Variants in CARMIL3 observed in about 807,000 individuals in gnomAD.
The protein encoded by CARMIL3 is capping protein regulator and myosin 1 linker 3.
CARMIL3 carries 88 observed loss-of-function variants against 180.8 expected under a neutral mutation model. The observed-to-expected ratio is 0.49, with a 90% CI of 0.41 to 0.58. CARMIL3 has a LOEUF of 0.58. Ranked by LOEUF, CARMIL3 falls within the 20% of genes least tolerant of loss-of-function variation. The pLI is 0.00. For missense variants in CARMIL3, 1,548 were observed against 1,787.0 expected (o/e 0.87, Z 2.41); for synonymous variants, 696 against 714.5 (o/e 0.97, Z 0.41).
chr14:24,060,685 C>A lies in CARMIL3; in HGVS notation c.2119C>A (p.Pro707Thr). Residue 707 changes from proline to threonine, a missense_variant, in exon 25 of 40, where the codon CCC (proline) becomes ACC (threonine). By Grantham distance (38) the Pro-to-Thr change is conservative. This residue lies in a region of CARMIL3 where 297 missense variants were observed against 415.9 expected (regional missense o/e 0.71). Transcript: ENST00000342740. Reference sequence around the variant, plus strand: ...GGAGGTGCGGGCCCTGAGACTATGCCCCCTGGAGCCTGTGCAGGATGAGCT... The same window carrying A: ...GGAGGTGCGGGCCCTGAGACTATGCACCCTGGAGCCTGTGCAGGATGAGCT... Reference protein sequence around the residue: ...QEEVRALRLCPLEPVQDELLY... With the variant: ...QEEVRALRLCTLEPVQDELLY... 1.2e-6 allele frequency: 2 copies of A among 1,613,866 alleles called. No homozygotes were observed. Among genetic ancestry groups the A allele is most frequent in the Non-Finnish European group, 1.7e-6 (2 of 1,179,830 alleles).
rs1207129424 is a variant in CARMIL3 at position 24,052,109 on chromosome 14, G to A, written c.-45G>A. The A allele has an allele frequency of 2.0e-6, 3 of 1,527,050 alleles. No homozygotes were observed. The highest frequency in any genetic ancestry group is 2.6e-6 in the Non-Finnish European group (3 of 1,142,584). 94.6% of individuals were successfully genotyped at this position (1,527,050 alleles called of 1,614,324 possible). A position where few individuals can be genotyped will look rare whatever the true frequency, so the allele number is the denominator to read the frequency against. ...CTAGCATGTGCCGCGGCTCCCCGGC[G>A]GCGGCGGCGGCTCCTCTGCAGCAGC... is the stretch of plus-strand genomic sequence containing the variant. On this transcript the variant is annotated 5_prime_UTR_variant, in exon 1 of 40. Coordinates refer to ENST00000342740, the MANE Select transcript of CARMIL3 (RefSeq NM_138360.4).
rs773002807 is a variant in CARMIL3 at position 24,059,715 on chromosome 14, C to T, written c.1851C>T (p.Ile617=). 21 of 1,613,958 alleles carry T rather than the reference C, an allele frequency of 1.3e-5. No individual in the cohort carries two copies. The highest frequency in any genetic ancestry group is 8.8e-5 in the South Asian group (8 of 91,070). Reference sequence around the variant, plus strand: ...CATCTGCCCTGGGCTTCCTGGACATCGCAAGGGCCCTGGAGAGGTGAGTAG... The same window carrying T: ...CATCTGCCCTGGGCTTCCTGGACATTGCAAGGGCCCTGGAGAGGTGAGTAG... ...NNTSALGFLD[I]ARALESNHTL... Residue 617 remains isoleucine (I), a synonymous_variant, in exon 22 of 40, where the codon ATC becomes ATT. Coordinates refer to ENST00000342740, the MANE Select transcript of CARMIL3 (RefSeq NM_138360.4). The surrounding 1 kb of genome is among the most constrained non-coding windows in gnomAD (Gnocchi z 6.3).
intron 1 of CARMIL3, among the ~76,000 whole-genome samples, 187 bp downstream of exon 1, chr14:24,052,380 G>T (rs373106693): frequency 5.0e-4 from 76 of 152,264 alleles, no homozygotes; most frequent in African/African-American, 1.7e-3. Context: ...TGCCTGCCTC[G>T]CCTCACCCGG....
intron 33 of CARMIL3, 72 bp downstream of exon 33, chr14:24,065,345 C>T: frequency 1.5e-6 from 2 of 1,354,982 alleles, no homozygotes; most frequent in Non-Finnish European, 2.0e-6. Flanking sequence ...CTACCCCACC[C>T]CAAGCTTAAT....
chr14:24,061,399 C>T lies in CARMIL3; in HGVS notation c.2305-98C>T. On this transcript the variant is annotated intron_variant, in intron 26 of 39. Transcript: ENST00000342740. This position sits in a 1 kb window ranked among gnomAD's most constrained non-coding sequence, Gnocchi z 4.1. Reference sequence around the variant, plus strand: ...GTGACTTAGGCAGGTCCCTCAGTCTCAGCAGGAGGGGCTGGAATAGATAAA... The same window carrying T: ...GTGACTTAGGCAGGTCCCTCAGTCTTAGCAGGAGGGGCTGGAATAGATAAA... 3.1e-6 allele frequency: 4 copies of T among 1,291,520 alleles called. No homozygotes were observed. In the South Asian group the frequency reaches 4.5e-5, roughly 14 times the overall value. 80.0% of individuals were successfully genotyped at this position (1,291,520 alleles called of 1,614,324 possible).
In CARMIL3 at chr14:24,062,830, A is replaced by C. The variant is rs1389430070; in HGVS notation, c.2690A>C (p.Glu897Ala). ...GACCATGAGGAGACCACAGATGATG[A>C]ACTTGGGACCAACATTGTGAGCCCC... ...NHDHEETTDD[E>A]LGTNIDTMAI... Residue 897 changes from glutamate (E) to alanine (A), a missense_variant, in exon 29 of 40, where the codon GAA becomes GCA. Glu to Ala is a moderately radical substitution (Grantham distance 107). Transcript: ENST00000342740. 2 of 1,610,082 alleles carry C rather than the reference A, an allele frequency of 1.2e-6. No homozygotes were observed. Among genetic ancestry groups the C allele is most frequent in the Non-Finnish European group, 1.7e-6 (2 of 1,178,318 alleles).
Position 24,069,371 on chromosome 14 carries a change from C to G in CARMIL3, c.4094-8C>G, listed in dbSNP as rs752532488. 3.7e-6 allele frequency: 6 copies of G among 1,614,144 alleles called. No individual in the cohort carries two copies. Among genetic ancestry groups the G allele is most frequent in the Non-Finnish European group, 5.1e-6 (6 of 1,180,010 alleles). ...GGAAACAGGGCTCCCTGGATTTGTC[C>G]CCAGCAGGAACCAGTGAGCCAGGAA... On this transcript the variant is annotated splice_polypyrimidine_tract_variant and splice_region_variant and intron_variant, in intron 39 of 39. Coordinates refer to ENST00000342740, the MANE Select transcript of CARMIL3 (RefSeq NM_138360.4).
At chr14:24,055,441 C>A in intron 8 of CARMIL3, 102 bp from the exon 9 acceptor site, 1 of 1,487,284 alleles carries the variant, frequency 6.7e-7, no homozygotes, top group Non-Finnish European at 9.4e-7. Flanking sequence ...CCCCATCTAC[C>A]CATTTAGGCC....
chr14:24,055,464 AC>A, intron 8 of CARMIL3, 78 bp from the exon 9 acceptor site: 1 of 1,560,016 alleles, frequency 6.4e-7, no homozygotes, highest in East Asian at 2.2e-5. Context: ...CCCCAGCCCA[AC>A]CACCCTATCC....
At chr14:24,069,323 A>G (rs1013982121) in intron 39 of CARMIL3, 56 bp from the exon 40 acceptor site, 1 of 1,613,930 alleles carries the variant, frequency 6.2e-7, no homozygotes, top group African/African-American at 1.3e-5. Context: ...CCCCAACACC[A>G]GGTGGCTGGC....
At chr14:24,060,395 G>T in intron 24 of CARMIL3, 140 bp downstream of exon 24, 1 of 1,123,276 alleles carries the variant, frequency 8.9e-7, no homozygotes. Context: ...GAAGCAAAAA[G>T]AGAGGACATG....
chr14:24,064,653 C>G (rs536127275), intron 32 of CARMIL3, among the ~76,000 whole-genome samples: 3 of 151,940 alleles, frequency 2.0e-5, no homozygotes, highest in Non-Finnish European at 2.9e-5. Context: ...GTGAGAGGCC[C>G]GGGGGGTAGT....
chr14:24,064,777 G>A (rs566286099), intron 32 of CARMIL3, among the ~76,000 whole-genome samples, 181 bp from the exon 33 acceptor site: 15 of 152,280 alleles, frequency 9.9e-5, no homozygotes, highest in South Asian at 6.2e-4. Context: ...ATCAGTCTGC[G>A]GGAAAGGCTG....
At position 24,066,416 on chromosome 14, in the gene CARMIL3, G is replaced by A. The variant is rs201169654; in HGVS notation, c.3544G>A (p.Glu1182Lys). Residue 1182 changes from glutamate (E) to lysine (K), a missense_variant, in exon 35 of 40, where the codon GAG becomes AAG. Coordinates refer to ENST00000342740, the MANE Select transcript of CARMIL3 (RefSeq NM_138360.4). ...GKREGPGPDQ[E>K]GSTQAWQKRR... ...CTTTCAGGGCCCAGGCCCAGACCAGGAGGGCAGCACCCAGGCCTGGCAGAA... is the reference window on the plus strand; with the variant it reads ...CTTTCAGGGCCCAGGCCCAGACCAGAAGGGCAGCACCCAGGCCTGGCAGAA... 4 of 1,614,192 alleles carry A rather than the reference G, an allele frequency of 2.5e-6. No homozygotes were observed.
Position 24,061,025 on chromosome 14 carries a change from G to A in CARMIL3, c.2289G>A (p.Val763=). The change falls in exon 26 of 40, where the codon GTG becomes GTA. Residue 763 remains valine (V), a synonymous_variant. Coordinates refer to ENST00000342740, the MANE Select transcript of CARMIL3 (RefSeq NM_138360.4). The surrounding 1 kb of genome is among the most constrained non-coding windows in gnomAD (Gnocchi z 4.1). ...TAGCAAGTGAGGTGTCCAAAGCTGT[G>A]GACAAGGAGCTGCAGGCAAGTCCTG... ...ESVASEVSKA[V]DKELQVILES... is the part of the protein sequence containing the mutation. 2 of 1,551,646 alleles carry A rather than the reference G, an allele frequency of 1.3e-6. No individual in the cohort carries two copies. Among genetic ancestry groups the A allele is most frequent in the Admixed American group, 2.0e-5 (1 of 51,006 alleles).
At chr14:24,060,377 C>T (rs2035720671) in intron 24 of CARMIL3, 122 bp downstream of exon 24, 2 of 1,208,706 alleles carry the variant, frequency 1.7e-6, no homozygotes. Context: ...CTGGACTGAG[C>T]ATGTGGGGAA....
At position 24,058,023 on chromosome 14, in the gene CARMIL3, C is replaced by T. The variant is rs764409254; in HGVS notation, c.1281C>T (p.His427=). The change falls in exon 16 of 40, where the codon CAC becomes CAT. Residue 427 remains histidine (H), a synonymous_variant. Coordinates refer to ENST00000342740, the MANE Select transcript of CARMIL3 (RefSeq NM_138360.4). The surrounding 1 kb of genome is among the most constrained non-coding windows in gnomAD (Gnocchi z 6.4). ...TCAGCAGCGCCTACACACTGAGCCA[C>T]GTCAATCTGTCGGCCACAAAGCTGC... ...QFFSSAYTLS[H]VNLSATKLPL... 30 of 1,613,854 alleles carry T rather than the reference C, an allele frequency of 1.9e-5. No homozygotes were observed. Among genetic ancestry groups the T allele is most frequent in the Admixed American group, 1.5e-4 (9 of 60,026 alleles).
rs774338266 is a variant in CARMIL3, at chr14:24,054,379, C to T, written c.247-17C>T. 19 of 1,613,680 alleles carry T rather than the reference C, an allele frequency of 1.2e-5. 1 individual carries two copies. The highest frequency in any genetic ancestry group is 5.5e-5 in the South Asian group (5 of 91,078). ...GAGAGGAGGGAGTCTGAGGCTCTGA[C>T]GCTTCGTCTCCCCCAGATCCTGGTG... On this transcript the variant is annotated splice_polypyrimidine_tract_variant and intron_variant, in intron 4 of 39. Coordinates refer to ENST00000342740, the MANE Select transcript of CARMIL3 (RefSeq NM_138360.4). This position sits in a 1 kb window ranked among gnomAD's most constrained non-coding sequence, Gnocchi z 5.1.
rs758572660 is a variant in CARMIL3 at position 24,063,532 on chromosome 14, G to A, written c.2978G>A (p.Ser993Asn). 4 of 1,608,404 alleles carry A rather than the reference G, an allele frequency of 2.5e-6. No individual in the cohort carries two copies. The highest frequency in any genetic ancestry group is 1.7e-5 in the Admixed American group (1 of 59,508). The change falls in exon 31 of 40, where the codon AGT (serine) becomes AAT (asparagine). Residue 993 changes from serine to asparagine, a missense_variant and splice_region_variant. Transcript: ENST00000342740. ...ACACCTCCAGGACCTGGTCGACCCA[G>A]TGTGAGTCCCTAAGGCTTCACAAGA... ...RTTPPGPGRP[S>N]MPAPGTRQEN...
Sources: allele counts gnomAD v4.1 joint callset (sites outside exome capture counted in the v4.1 genomes callset), GRCh38; gene constraint gnomAD v4.1.1; regional missense constraint gnomAD v4.1.1; non-coding constraint Gnocchi (gnomAD v3.1); transcripts MANE v1.5; gene names NCBI Gene and HGNC (gene_info 2026-07-23, HGNC 2026-07-21).